Variants in RPTOR observed in about 807,000 individuals in gnomAD.
The protein encoded by RPTOR is regulatory-associated protein of mTOR.
Under a neutral mutation model 169.9 loss-of-function variants are expected in RPTOR, and 21 were observed. The observed-to-expected ratio is 0.12, with a 90% CI of 0.09 to 0.18. The LOEUF (loss-of-function observed/expected upper bound fraction) is 0.18. RPTOR is among the 10% of genes least tolerant of loss of function. The pLI, the probability that RPTOR is intolerant of heterozygous loss-of-function variation, is 1.00. For synonymous variants in RPTOR, 732 were observed against 753.2 expected, an observed-to-expected ratio of 0.97 and a Z score of 0.46; for missense variants, 1,133 against 1,855.9, an observed-to-expected ratio of 0.61 and a Z score of 7.16.
At chr17:80,585,512 A>AT (rs34295442) in intron 1 of RPTOR, among the ~76,000 whole-genome samples, 28,628 of 151,828 alleles carry the variant, frequency 0.19, 3,004 homozygotes, top group East Asian at 0.28. Context: ...CCGGTTTATT[A>AT]TTTTTTCCTC....
intron 6 of RPTOR, among the ~76,000 whole-genome samples, chr17:80,776,218 A>T (rs1459052742): frequency 7.2e-5 from 11 of 152,186 alleles, no homozygotes; most frequent in Non-Finnish European, 1.6e-4. Flanking sequence ...AAAAGAAAAA[A>T]ATAATAATAT....
intron 3 of RPTOR, among the ~76,000 whole-genome samples, chr17:80,670,144 T>G (rs2065810802): frequency 6.6e-6 from 1 of 152,230 alleles, no homozygotes; most frequent in Non-Finnish European, 1.5e-5. Flanking sequence ...CAGACCGGAC[T>G]CCGGGTTTCT....
intron 6 of RPTOR, among the ~76,000 whole-genome samples, chr17:80,780,019 G>T (rs967065279): frequency 5.3e-5 from 8 of 152,076 alleles, no homozygotes; most frequent in Non-Finnish European, 1.2e-4. Context: ...ATCTGCTGTG[G>T]GAAACTCGCT....
chr17:80,727,952 G>A (rs1280367138), intron 4 of RPTOR, among the ~76,000 whole-genome samples: 1 of 152,016 alleles, frequency 6.6e-6, no homozygotes, highest in Admixed American at 6.6e-5. Flanking sequence ...TCCCACAATG[G>A]GGCATTATTC....
In RPTOR at chr17:80,746,380, G is replaced by A. The variant is rs972461129; in HGVS notation, c.655-7630G>A. Among the ~76,000 whole-genome samples the A allele has an allele frequency of 1.1e-4, 16 of 152,144 alleles. No homozygotes were observed. Among genetic ancestry groups the A allele is most frequent in the Non-Finnish European group, 1.5e-4 (10 of 68,024 alleles). On this transcript the variant is annotated intron_variant, in intron 5 of 33. Transcript: ENST00000306801. This position sits in a 1 kb window ranked among gnomAD's most constrained non-coding sequence, Gnocchi z 4.5. Reference sequence around the variant, plus strand: ...CACAGCGGTGCTTTCTGCAGGGAGCGGACGGCAGGCCTGGGGCGTGCTGCC... The same window carrying A: ...CACAGCGGTGCTTTCTGCAGGGAGCAGACGGCAGGCCTGGGGCGTGCTGCC...
intron 11 of RPTOR, among the ~76,000 whole-genome samples, chr17:80,855,155 A>G (rs2067838631): frequency 1.3e-5 from 2 of 152,250 alleles, no homozygotes; most frequent in South Asian, 4.1e-4. Context: ...ATAAAGAACA[A>G]TGTCTGAGTT....
chr17:80,838,256 G>A (rs1047841036), intron 10 of RPTOR, among the ~76,000 whole-genome samples: 3 of 152,130 alleles, frequency 2.0e-5, no homozygotes, highest in African/African-American at 4.8e-5. Flanking sequence ...TTCTTAATGC[G>A]GACTCACTCC....
rs112138434 is a variant in RPTOR at position 80,860,177 on chromosome 17, T to G, written c.1509+2277T>G. ...TCTGTCAGCTCCTCCGTCCAGTCAC[T>G]GGCACTGAGACCCAGCCTCATCCTT... On this transcript the variant is annotated intron_variant, in intron 13 of 33. Coordinates refer to ENST00000306801, the MANE Select transcript of RPTOR (RefSeq NM_020761.3). The surrounding 1 kb of genome is among the most constrained non-coding windows in gnomAD (Gnocchi z 5.8). Among the ~76,000 whole-genome samples the G allele has an allele frequency of 0.011, 1,700 of 152,310 alleles. 23 individuals are homozygous for G. Among genetic ancestry groups the G allele is most frequent in the African/African-American group, 0.038 (1,599 of 41,574 alleles).
intron 33 of RPTOR, among the ~76,000 whole-genome samples, chr17:80,963,368 G>A (rs1240054432): frequency 1.3e-5 from 2 of 151,968 alleles, no homozygotes; most frequent in Non-Finnish European, 2.9e-5. Flanking sequence ...GTCGCTCGGG[G>A]TGTCCATCCC....
intron 25 of RPTOR, among the ~76,000 whole-genome samples, chr17:80,944,217 C>T (rs187466096): frequency 3.3e-4 from 51 of 152,334 alleles, no homozygotes; most frequent in Admixed American, 2.2e-3. Context: ...TAATAGATCC[C>T]TCAGTCAAGG....
At chr17:80,814,745 A>G (rs1019700000) in intron 7 of RPTOR, among the ~76,000 whole-genome samples, 1 of 152,160 alleles carries the variant, frequency 6.6e-6, no homozygotes, top group African/African-American at 2.4e-5. Flanking sequence ...CAAGATGAAG[A>G]AAGAATGTAG....
chr17:80,795,649 G>A lies in RPTOR; in HGVS notation c.890+4140G>A, dbSNP rs143788976. Among the ~76,000 whole-genome samples the A allele has an allele frequency of 3.3e-5, 5 of 152,182 alleles. No individual in the cohort carries two copies. In the East Asian group the frequency reaches 7.7e-4, roughly 23 times the overall value. On this transcript the variant is annotated intron_variant, in intron 7 of 33. Coordinates refer to ENST00000306801, the MANE Select transcript of RPTOR (RefSeq NM_020761.3). ...CACCCTGATTAGGGATTCGGGGTAC[G>A]AGGAGGAGAGTGTGGTGGGAAGAAT...
chr17:80,585,750 T>G (rs1343120853), intron 1 of RPTOR, among the ~76,000 whole-genome samples: 2 of 152,238 alleles, frequency 1.3e-5, no homozygotes, highest in Non-Finnish European at 2.9e-5. Context: ...TTATAATGTG[T>G]AATATGAAGA....
At position 80,754,943 on chromosome 17, in the gene RPTOR, C is replaced by G. The variant is rs555790649; in HGVS notation, c.830+758C>G. ...CACCGTGCTGTCGGCCGAGGACACTCTTGAGGCTTCTGTCAAGATGGCCTA... is the reference window on the plus strand; with the variant it reads ...CACCGTGCTGTCGGCCGAGGACACTGTTGAGGCTTCTGTCAAGATGGCCTA... On this transcript the variant is annotated intron_variant, in intron 6 of 33. Coordinates refer to ENST00000306801, the MANE Select transcript of RPTOR (RefSeq NM_020761.3). The surrounding 1 kb of genome is among the most constrained non-coding windows in gnomAD (Gnocchi z 4.2). Among the ~76,000 whole-genome samples, 1 of 152,334 alleles carries G rather than the reference C, an allele frequency of 6.6e-6. No individual in the cohort carries two copies. The highest frequency in any genetic ancestry group is 1.9e-4 in the East Asian group (1 of 5,184).
At chr17:80,762,776 C>G (rs889069407) in intron 6 of RPTOR, among the ~76,000 whole-genome samples, 2 of 151,540 alleles carry the variant, frequency 1.3e-5, no homozygotes, top group Non-Finnish European at 2.9e-5. Flanking sequence ...AGGGATGGAG[C>G]TAGAAGGAAG....
intron 1 of RPTOR, among the ~76,000 whole-genome samples, chr17:80,621,590 G>C (rs1193366309): frequency 6.6e-6 from 1 of 152,170 alleles, no homozygotes; most frequent in East Asian, 1.9e-4. Context: ...TCGCTCCCTG[G>C]ACTTGCAGCC....
intron 1 of RPTOR, among the ~76,000 whole-genome samples, chr17:80,563,167 A>G (rs1054480521): frequency 6.6e-6 from 1 of 151,974 alleles, no homozygotes; most frequent in South Asian, 2.1e-4. Flanking sequence ...CTTTTCACCA[A>G]GATGTGTTTT....
At chr17:80,765,268 C>G (rs780228272) in intron 6 of RPTOR, among the ~76,000 whole-genome samples, 1 of 152,158 alleles carries the variant, frequency 6.6e-6, no homozygotes, top group Non-Finnish European at 1.5e-5. Flanking sequence ...GGCACTTGCT[C>G]TCAGTTCTTC....
intron 5 of RPTOR, among the ~76,000 whole-genome samples, chr17:80,742,341 G>A (rs762434809): frequency 1.3e-5 from 2 of 152,238 alleles, no homozygotes; most frequent in Admixed American, 6.5e-5. Flanking sequence ...TGGAGGCGGA[G>A]CATCGACGGT....
Sources: gnomAD v4.1 joint callset for allele counts (sites outside exome capture counted in the v4.1 genomes callset) on GRCh38, gnomAD v4.1.1 for gene constraint, Gnocchi (gnomAD v3.1) non-coding constraint, MANE v1.5 for transcripts, NCBI Gene and HGNC (gene_info 2026-07-23, HGNC 2026-07-21) for gene names.